The following PRG4 variants were observed in gnomAD, a reference collection of about 807,000 sequenced individuals.
PRG4 encodes proteoglycan 4, also known as articular superficial zone protein.
Under a neutral mutation model 91.2 loss-of-function variants are expected in PRG4, and 61 were observed. The observed-to-expected ratio is 0.67, with a 90% CI of 0.54 to 0.83. PRG4 has a LOEUF of 0.83. Ranked by LOEUF, PRG4 falls within the 40% of genes least tolerant of loss-of-function variation. PRG4 has a pLI of 0.00. For missense variants in PRG4, 1,564 were observed against 1,714.2 expected (o/e 0.91, Z 1.55); for synonymous variants, 576 against 614.2 (o/e 0.94, Z 0.92).
At position 186,304,845 on chromosome 1, in the gene PRG4, CT is replaced by C. The variant is rs746135084; in HGVS notation, c.523del (p.Ser175LeufsTer26). On this transcript the variant is annotated frameshift_variant, in exon 6 of 13. Coordinates refer to ENST00000445192, the MANE Select transcript of PRG4 (RefSeq NM_005807.6). LOFTEE classifies it high-confidence loss of function. ...QESSSSSSSSSSSSTIRKIKS... is the reference protein window; with the variant it reads ...QESSSSSSSSXSSSTIRKIKS... ...TCCTCCTCCTCCTCCTCCTCTTCCT[CT>C]TCTTCTTCAACAATTCGGAAAATCA... 1 of 1,612,184 alleles carries C rather than the reference CT, an allele frequency of 6.2e-7. No homozygotes were observed. The highest frequency in any genetic ancestry group is 1.3e-5 in the African/African-American group (1 of 74,952).
chr1:186,314,234 T>A lies in PRG4; in HGVS notation c.*456T>A. ...AATCTAAAAGTTATATTGGAAAACA[T>A]GGAAATATTAAAATTTTACACTTTT... is the stretch of plus-strand genomic sequence containing the variant. On this transcript the variant is annotated 3_prime_UTR_variant, in exon 13 of 13. Transcript: ENST00000445192. 1.2e-5 allele frequency: 6 copies of A among 498,598 alleles called. No homozygotes were observed. Among genetic ancestry groups the A allele is most frequent in the East Asian group, 6.5e-5 (2 of 30,800 alleles). The allele number at this position is 498,598 out of a possible 1,614,324, so 30.9% of individuals were successfully genotyped here.
intron 7 of PRG4, among the ~76,000 whole-genome samples, chr1:186,309,474 A>C (rs1657017500): frequency 6.6e-6 from 1 of 152,208 alleles, no homozygotes; most frequent in Non-Finnish European, 1.5e-5. Flanking sequence ...ACTAACCCAA[A>C]GGGAGGGCAA....
In PRG4 at chr1:186,306,383, G is replaced by A; in HGVS notation, c.664G>A (p.Ala222Thr). ...PTPKPPVVDE[A>T]GSGLDNGDFK... ...CCCCAAACCACCAGTTGTAGATGAAGCTGGAAGTGGATTGGACAATGGTGA... is the reference window on the plus strand; with the variant it reads ...CCCCAAACCACCAGTTGTAGATGAAACTGGAAGTGGATTGGACAATGGTGA... The change falls in exon 7 of 13, where the codon GCT (alanine) becomes ACT (threonine). Residue 222 changes from alanine (A) to threonine (T), a missense_variant. Ala to Thr is a moderately conservative substitution (Grantham distance 58, BLOSUM62 0). Coordinates refer to ENST00000445192, the MANE Select transcript of PRG4 (RefSeq NM_005807.6). The A allele has an allele frequency of 1.2e-6, 2 of 1,613,174 alleles. No individual in the cohort carries two copies. The highest frequency in any genetic ancestry group is 1.7e-6 in the Non-Finnish European group (2 of 1,179,428).
intron 3 of PRG4, 82 bp downstream of exon 3, chr1:186,300,295 G>C: frequency 1.3e-6 from 2 of 1,575,588 alleles, no homozygotes; most frequent in Non-Finnish European, 1.7e-6. Context: ...GTGCAGTGCT[G>C]TGAGACTGAG....
rs769601354 is a variant in PRG4 at position 186,308,863 on chromosome 1, G to A, written c.3144G>A (p.Thr1048=). 2.5e-6 allele frequency: 4 copies of A among 1,613,572 alleles called. No homozygotes were observed. Among genetic ancestry groups the A allele is most frequent in the Admixed American group, 1.7e-5 (1 of 59,978 alleles). The change falls in exon 7 of 13, where the codon ACG becomes ACA. Residue 1048 remains threonine, a synonymous_variant. Coordinates refer to ENST00000445192, the MANE Select transcript of PRG4 (RefSeq NM_005807.6). ...KTMPRVRKPK[T]TPTPRKMTST... is the part of the protein sequence containing the mutation. ...TGCCTAGAGTGAGAAAACCAAAGAC[G>A]ACACCAACTCCCCGCAAGATGACAT... is the stretch of plus-strand genomic sequence containing the variant.
rs569955781 is a variant in PRG4, at chr1:186,296,749, T to TAA, written c.-30-97_-30-96insAA. 499 of 688,894 alleles carry TAA rather than the reference T, an allele frequency of 7.2e-4. 6 individuals carry two copies. The East Asian group carries it at 0.011, about 15-fold the overall frequency. 42.7% of individuals were successfully genotyped at this position (688,894 alleles called of 1,614,324 possible). The stretch of plus-strand genomic sequence containing the variant: ...TTCAAGAATGGGATGGTTTTATTAT[T>TAA]GTTACATTTTTAAAGTTACTGAAAT... On this transcript the variant is annotated intron_variant, in intron 1 of 12. Transcript: ENST00000445192.
intron 3 of PRG4, among the ~76,000 whole-genome samples, chr1:186,300,591 C>A (rs1656146204): frequency 6.6e-6 from 1 of 152,138 alleles, no homozygotes; most frequent in Admixed American, 6.5e-5. Context: ...ATGTCCTCGA[C>A]TAGTAATGAG....
intron 8 of PRG4, 119 bp downstream of exon 8, chr1:186,309,989 C>A: frequency 1.3e-6 from 1 of 792,576 alleles, no homozygotes; most frequent in African/African-American, 1.7e-5. Flanking sequence ...GATTGATAAG[C>A]ACACCTCACA....
At chr1:186,301,220 T>A (rs1571552771) in intron 3 of PRG4, among the ~76,000 whole-genome samples, 1 of 152,296 alleles carries the variant, frequency 6.6e-6, no homozygotes, top group Non-Finnish European at 1.5e-5. Context: ...TTACTGTGAA[T>A]CTATTACAAA....
At chr1:186,304,418 A>T (rs1656418600) in intron 5 of PRG4, among the ~76,000 whole-genome samples, 161 bp downstream of exon 5, 1 of 152,206 alleles carries the variant, frequency 6.6e-6, no homozygotes, top group South Asian at 2.1e-4. Context: ...AAAGTTTAAG[A>T]CAAAGTATAA....
At position 186,305,029 on chromosome 1, in the gene PRG4, G is replaced by T; in HGVS notation, c.598+107G>T. On this transcript the variant is annotated intron_variant, in intron 6 of 12. Coordinates refer to ENST00000445192, the MANE Select transcript of PRG4 (RefSeq NM_005807.6). ...AATGAGGACATCTTAATATGGGGGG[G>T]AATATAACTTTATGAATATTATCTT... is the stretch of plus-strand genomic sequence containing the variant. The T allele has an allele frequency of 2.5e-6, 3 of 1,186,400 alleles. No individual in the cohort carries two copies. The Admixed American group carries it at 6.2e-5, about 25-fold the overall frequency. The allele number at this position is 1,186,400 out of a possible 1,614,324, so 73.5% of individuals were successfully genotyped here.
chr1:186,300,413 T>G (rs370732875), intron 3 of PRG4, among the ~76,000 whole-genome samples, 200 bp downstream of exon 3: 82 of 152,302 alleles, frequency 5.4e-4, no homozygotes, highest in African/African-American at 1.8e-3. Flanking sequence ...TACCTAAGGA[T>G]GGTGTCAAAG....
chr1:186,306,398 GACAATGGTGACTTCAAGGTC>G lies in PRG4; in HGVS notation c.684_703del (p.Gly229SerfsTer2), dbSNP rs1656562955. On this transcript the variant is annotated frameshift_variant, in exon 7 of 13. Coordinates refer to ENST00000445192, the MANE Select transcript of PRG4 (RefSeq NM_005807.6). LOFTEE classifies it high-confidence loss of function. ...TGTAGATGAAGCTGGAAGTGGATTG[GACAATGGTGACTTCAAGGTC>G]ACAACTCCTGACACGTCTACCACCC... 6.2e-7 allele frequency: 1 copy of G among 1,613,192 alleles called. No homozygotes were observed. The highest frequency in any genetic ancestry group is 1.3e-5 in the African/African-American group (1 of 74,906).
At position 186,301,151 on chromosome 1, in the gene PRG4, G is replaced by A. The variant is rs150679858; in HGVS notation, c.200-441G>A. Among the ~76,000 whole-genome samples, 187 of 152,178 alleles carry A rather than the reference G, an allele frequency of 1.2e-3. 1 individual carries two copies. Among genetic ancestry groups the A allele is most frequent in the African/African-American group, 4.1e-3 (172 of 41,526 alleles). On this transcript the variant is annotated intron_variant, in intron 3 of 12. Coordinates refer to ENST00000445192, the MANE Select transcript of PRG4 (RefSeq NM_005807.6). ...TAAGCCTCAAAAATGACCCATTTAC[G>A]TGGAATATATATACATATATATTTA...
At chr1:186,296,996 ATCAT>A in intron 2 of PRG4, 45 bp downstream of exon 2, 1 of 1,487,252 alleles carries the variant, frequency 6.7e-7, no homozygotes, top group East Asian at 2.3e-5. Flanking sequence ...ACTATTGCTA[ATCAT>A]TCAGTCTTGA....
At position 186,307,773 on chromosome 1, in the gene PRG4, C is replaced by G; in HGVS notation, c.2054C>G (p.Pro685Arg). 1 of 1,612,894 alleles carries G rather than the reference C, an allele frequency of 6.2e-7. No homozygotes were observed. The highest frequency in any genetic ancestry group is 8.5e-7 in the Non-Finnish European group (1 of 1,179,600). Residue 685 changes from proline (P) to arginine (R), a missense_variant, in exon 7 of 13, where the codon CCT (proline) becomes CGT (arginine). Physicochemically the swap from Pro to Arg is moderately radical, Grantham distance 103 (BLOSUM62 -2). Transcript: ENST00000445192. ...NTPKEPAPTT[P>R]KEPAPTTPKE... is the part of the protein sequence containing the mutation. ...CCTAAGGAGCCTGCTCCAACTACCC[C>G]TAAGGAGCCTGCTCCAACTACCCCT...
intron 12 of PRG4, 48 bp from the exon 13 acceptor site, chr1:186,313,633 G>A: frequency 1.9e-6 from 2 of 1,071,236 alleles, no homozygotes; most frequent in Non-Finnish European, 2.9e-6. Flanking sequence ...TTTTTAGTTT[G>A]GGCATTGTTT....
Position 186,296,928 on chromosome 1 carries a change from T to C in PRG4, c.53T>C (p.Val18Ala), listed in dbSNP as rs879132915. 1.2e-6 allele frequency: 2 copies of C among 1,614,008 alleles called. No individual in the cohort carries two copies. Among genetic ancestry groups the C allele is most frequent in the South Asian group, 1.1e-5 (1 of 91,072 alleles). Residue 18 changes from valine (V) to alanine (A), a missense_variant, in exon 2 of 13, where the codon GTG becomes GCG. Val to Ala is a moderately conservative substitution (Grantham distance 64, BLOSUM62 0). Coordinates refer to ENST00000445192, the MANE Select transcript of PRG4 (RefSeq NM_005807.6). ...IYLLLLLSVF[V>A]IQQVSSQDLS... ...CTGTTGTTGCTGCTGTCTGTTTTCG[T>C]GATTCAGCAAGTTTCATCTCAAGGT...
Position 186,307,606 on chromosome 1 carries a change from C to T in PRG4, c.1887C>T (p.Pro629=), listed in dbSNP as rs368295547. Residue 629 remains proline, a synonymous_variant, in exon 7 of 13, where the codon CCC becomes CCT. Transcript: ENST00000445192. ...TTPKKLTPTT[P]EKLAPTTPEK... ...CCAAGAAGCTCACGCCCACCACCCCCGAGAAGCTCGCACCCACCACCCCTG... is the reference window on the plus strand; with the variant it reads ...CCAAGAAGCTCACGCCCACCACCCCTGAGAAGCTCGCACCCACCACCCCTG... 3.2e-4 allele frequency: 506 copies of T among 1,591,052 alleles called. 2 individuals carry two copies. In the African/African-American group the frequency reaches 5.9e-3, roughly 18 times the overall value.
Sources: allele counts gnomAD v4.1 joint callset (sites outside exome capture counted in the v4.1 genomes callset), GRCh38; gene constraint gnomAD v4.1.1; transcripts MANE v1.5; gene names NCBI Gene and HGNC (gene_info 2026-07-23, HGNC 2026-07-21).